PTH2R: variants seen among roughly 807,000 people sequenced by gnomAD.
PTH2R encodes the protein PTH2 receptor.
A neutral mutation model predicts 60.3 loss-of-function variants in PTH2R; 59 were observed. The observed-to-expected ratio is 0.98, with a 90% confidence interval of 0.79 to 1.22. The LOEUF (loss-of-function observed/expected upper bound fraction) is 1.22, where lower values mean the gene tolerates loss of function less well. Among genes scored for constraint, PTH2R ranks in the 50% most tolerant of loss-of-function variants. The pLI, the probability that PTH2R is intolerant of heterozygous loss-of-function variation, is 0.00. For synonymous variants in PTH2R, 256 were observed against 243.8 expected, an observed-to-expected ratio of 1.05 and a Z score of -0.47; for missense variants, 749 against 682.6, an observed-to-expected ratio of 1.10 and a Z score of -1.08.
intron 1 of PTH2R, among the ~76,000 whole-genome samples, chr2:208,366,349 T>C (rs1035481151): frequency 1.3e-5 from 2 of 152,140 alleles, no homozygotes; most frequent in African/African-American, 4.8e-5. Context: ...TCTTCTCTTA[T>C]AATCCTTTCT....
chr2:208,460,273 A>T (rs1702607384), intron 9 of PTH2R, among the ~76,000 whole-genome samples: 1 of 152,124 alleles, frequency 6.6e-6, no homozygotes, highest in Non-Finnish European at 1.5e-5. Flanking sequence ...ATATTATTTT[A>T]CCACTTTAAC....
intron 9 of PTH2R, 43 bp from the exon 10 acceptor site, chr2:208,481,027 G>A (rs746640429): frequency 7.5e-7 from 1 of 1,341,062 alleles, no homozygotes; most frequent in Non-Finnish European, 1.0e-6. Flanking sequence ...TAAAAATCTT[G>A]AAGACTAACA....
chr2:208,493,030 C>T (rs1219896299), intron 12 of PTH2R, among the ~76,000 whole-genome samples: 2 of 152,184 alleles, frequency 1.3e-5, no homozygotes, highest in Non-Finnish European at 2.9e-5. Flanking sequence ...AAAGTCTGAT[C>T]TTGGACAAGT....
At chr2:208,480,983 G>GAATGGAAAAAATTTCAATTTATGT (rs1442795953) in intron 9 of PTH2R, 87 bp from the exon 10 acceptor site, 2 of 985,322 alleles carry the variant, frequency 2.0e-6, no homozygotes, top group East Asian at 5.5e-5. Context: ...TTTCTTATTT[G>GAATGGAAAAAATTTCAATTTATGT]AATGGAAAAA....
At chr2:208,405,796 G>C (rs1701390735), upstream of PTH2R, among the ~76,000 whole-genome samples, 1 of 152,108 alleles carries the variant, frequency 6.6e-6, no homozygotes, top group Non-Finnish European at 1.5e-5. Context: ...GGTCATGAGG[G>C]CTCTGAGATC....
chr2:208,415,155 G>C (rs1701614684), intron 1 of PTH2R, among the ~76,000 whole-genome samples: 1 of 152,122 alleles, frequency 6.6e-6, no homozygotes, highest in Non-Finnish European at 1.5e-5. Context: ...CATTAATTAT[G>C]ACAAATATAC....
At chr2:208,404,685 C>G (rs9288393), upstream of PTH2R, among the ~76,000 whole-genome samples, 29,769 of 152,050 alleles carry the variant, frequency 0.2, 3,178 homozygotes, top group South Asian at 0.26. Context: ...GCACACGAGC[C>G]ACTGCACATC....
intron 10 of PTH2R, among the ~76,000 whole-genome samples, chr2:208,484,137 T>G (rs1703221612): frequency 6.6e-6 from 1 of 152,260 alleles, no homozygotes; most frequent in Non-Finnish European, 1.5e-5. Context: ...TTCCAAATGG[T>G]GGCATCTAAA....
At chr2:208,407,170 C>A (rs756160412) in intron 1 of PTH2R, 52 bp downstream of exon 1, 1 of 1,387,006 alleles carries the variant, frequency 7.2e-7, no homozygotes, top group Non-Finnish European at 9.4e-7. Flanking sequence ...CCGGCGGGGA[C>A]TCAGCTTTAG....
chr2:208,432,003 A>G (rs1178933738), intron 2 of PTH2R, among the ~76,000 whole-genome samples: 1 of 152,240 alleles, frequency 6.6e-6, no homozygotes, highest in African/African-American at 2.4e-5. Flanking sequence ...CTAGTCTAAT[A>G]GTGTCTGAAA....
chr2:208,386,742 T>C (rs981266935), intron 1 of PTH2R, among the ~76,000 whole-genome samples: 4 of 152,160 alleles, frequency 2.6e-5, no homozygotes, highest in Non-Finnish European at 2.9e-5. Flanking sequence ...TATTCTCACA[T>C]AGTGTAGGAG....
intron 1 of PTH2R, among the ~76,000 whole-genome samples, chr2:208,367,918 CA>C (rs1700624149): frequency 6.6e-6 from 1 of 152,062 alleles, no homozygotes. Flanking sequence ...GTCCAAATGC[CA>C]ACAGGTACAA....
chr2:208,458,035 A>G (rs549479921), intron 8 of PTH2R, among the ~76,000 whole-genome samples: 2 of 152,278 alleles, frequency 1.3e-5, no homozygotes, highest in South Asian at 4.1e-4. Flanking sequence ...TAAGACTTTT[A>G]TTTGTGCGTC....
intron 1 of PTH2R, among the ~76,000 whole-genome samples, chr2:208,395,348 GTC>G (rs1249581743): frequency 7.2e-5 from 11 of 152,010 alleles, no homozygotes; most frequent in Non-Finnish European, 1.3e-4. Context: ...GCCCGGCCGA[GTC>G]TGATTTCTAA....
chr2:208,421,302 G>A (rs1295361532), intron 1 of PTH2R, among the ~76,000 whole-genome samples: 1 of 151,900 alleles, frequency 6.6e-6, no homozygotes, highest in Admixed American at 6.6e-5. Context: ...GATTTAGTTT[G>A]AATTAGAGTT....
intron 1 of PTH2R, among the ~76,000 whole-genome samples, chr2:208,401,546 C>T (rs1701308837): frequency 6.6e-6 from 1 of 151,944 alleles, no homozygotes; most frequent in Admixed American, 6.6e-5. Flanking sequence ...TTATTCCTTC[C>T]TGTGTATTTT....
intron 1 of PTH2R, among the ~76,000 whole-genome samples, chr2:208,367,949 G>A (rs1700624781): frequency 2.0e-5 from 3 of 152,100 alleles, no homozygotes; most frequent in African/African-American, 7.2e-5. Context: ...ACCTACTTAG[G>A]CCATAAAATA....
At chr2:208,464,344 C>T (rs566009406) in intron 9 of PTH2R, among the ~76,000 whole-genome samples, 2 of 152,330 alleles carry the variant, frequency 1.3e-5, no homozygotes, top group South Asian at 4.1e-4. Flanking sequence ...CTATGATCTT[C>T]CCCGTGACTT....
chr2:208,400,903 C>G (rs1435862222), intron 1 of PTH2R, among the ~76,000 whole-genome samples: 2 of 152,072 alleles, frequency 1.3e-5, no homozygotes, highest in Non-Finnish European at 2.9e-5. Flanking sequence ...AACATAAAAG[C>G]TCTGTTTGTG....
Sources: allele counts gnomAD v4.1 joint callset (sites outside exome capture counted in the v4.1 genomes callset), GRCh38; gene constraint gnomAD v4.1.1; transcripts MANE v1.5; gene names NCBI Gene and HGNC (gene_info 2026-07-23, HGNC 2026-07-21).